The following KDM4B variants were observed in gnomAD, a reference collection of about 807,000 sequenced individuals.
KDM4B encodes lysine demethylase 4B.
KDM4B carries 32 observed loss-of-function variants against 125.2 expected under a neutral mutation model. The observed-to-expected ratio is 0.26, with a 90% CI of 0.19 to 0.34. The LOEUF (loss-of-function observed/expected upper bound fraction) is 0.34, where lower values mean the gene tolerates loss of function less well. Ranked by LOEUF, KDM4B falls within the 10% of genes least tolerant of loss-of-function variation. The pLI is 1.00. For missense variants in KDM4B, 1,190 were observed against 1,577.7 expected, an observed-to-expected ratio of 0.75 and a Z score of 4.16; for synonymous variants, 721 against 677.9, an observed-to-expected ratio of 1.06 and a Z score of -0.99.
chr19:5,027,544 G>GTTTT (rs565728081), intron 2 of KDM4B, among the ~76,000 whole-genome samples: 5 of 134,642 alleles, frequency 3.7e-5, no homozygotes, highest in Non-Finnish European at 6.3e-5. Flanking sequence ...TCTCTTTTCA[G>GTTTT]TTTTTTTTTT....
rs1223840317 is a variant in KDM4B, at chr19:5,081,362, C to A, written c.781-1005C>A. 6.6e-6 allele frequency among the ~76,000 whole-genome samples: 1 copy of A among 152,172 alleles called. No homozygotes were observed. The highest frequency in any genetic ancestry group is 2.4e-5 in the African/African-American group (1 of 41,438). ...TCAAAGGCTTTATCAACGGGCTTAG[C>A]AGTGAGCAGGGAGTGGGGGTCAGTG... is the stretch of plus-strand genomic sequence containing the variant. On this transcript the variant is annotated intron_variant, in intron 8 of 22. Coordinates refer to ENST00000159111, the MANE Select transcript of KDM4B (RefSeq NM_015015.3). This position sits in a 1 kb window ranked among gnomAD's most constrained non-coding sequence, Gnocchi z 4.2.
At chr19:5,135,241 G>A in intron 14 of KDM4B, 98 bp from the exon 15 acceptor site, 1 of 769,368 alleles carries the variant, frequency 1.3e-6, no homozygotes, top group South Asian at 1.7e-5. Flanking sequence ...GCCAGGGGGT[G>A]TCGAAGCCTG....
chr19:5,056,766 G>A (rs2037407540), intron 6 of KDM4B, among the ~76,000 whole-genome samples: 1 of 152,068 alleles, frequency 6.6e-6, no homozygotes, highest in Non-Finnish European at 1.5e-5. Flanking sequence ...GACCCTCACG[G>A]CAGCAGCACG....
In KDM4B at chr19:5,077,353, C is replaced by T. The variant is rs371196123; in HGVS notation, c.677-14C>T. The T allele has an allele frequency of 1.2e-6, 2 of 1,610,274 alleles. No individual in the cohort carries two copies. The highest frequency in any genetic ancestry group is 1.3e-5 in the African/African-American group (1 of 74,934). On this transcript the variant is annotated splice_polypyrimidine_tract_variant and intron_variant, in intron 7 of 22. Coordinates refer to ENST00000159111, the MANE Select transcript of KDM4B (RefSeq NM_015015.3). ...TGTGGCCCAGGAGACTGACGTCTGTCTTTTCGGCCCTAGGCTTCTTCCCCG... is the reference window on the plus strand; with the variant it reads ...TGTGGCCCAGGAGACTGACGTCTGTTTTTTCGGCCCTAGGCTTCTTCCCCG...
chr19:5,046,470 C>A (rs1231205017), intron 5 of KDM4B, among the ~76,000 whole-genome samples: 1 of 152,194 alleles, frequency 6.6e-6, no homozygotes, highest in Non-Finnish European at 1.5e-5. Flanking sequence ...AGTCTGAGGG[C>A]CGGTCGTGCA....
intron 1 of KDM4B, among the ~76,000 whole-genome samples, chr19:4,983,851 AC>A (rs1350901103): frequency 6.6e-6 from 1 of 152,120 alleles, no homozygotes; most frequent in Non-Finnish European, 1.5e-5. Flanking sequence ...GAGACCTGCT[AC>A]CCATGCACGT....
intron 1 of KDM4B, among the ~76,000 whole-genome samples, chr19:4,978,791 G>A (rs1311920613): frequency 6.6e-6 from 1 of 152,224 alleles, no homozygotes; most frequent in Non-Finnish European, 1.5e-5. Flanking sequence ...CCAGGCTGGT[G>A]CGTGGTCACT....
intron 1 of KDM4B, among the ~76,000 whole-genome samples, chr19:5,014,943 C>A: frequency 6.7e-6 from 1 of 150,372 alleles, no homozygotes; most frequent in East Asian, 2.0e-4. Context: ...TGCAGTGAGC[C>A]GAGATCGTGC....
At chr19:5,084,253 A>G (rs1160055838) in intron 9 of KDM4B, among the ~76,000 whole-genome samples, 1 of 148,708 alleles carries the variant, frequency 6.7e-6, no homozygotes, top group Non-Finnish European at 1.5e-5. Context: ...CTCAAAAAAA[A>G]ATACGTATTT....
intron 2 of KDM4B, among the ~76,000 whole-genome samples, chr19:5,022,036 T>C (rs1220390932): frequency 6.6e-6 from 1 of 152,220 alleles, no homozygotes; most frequent in Non-Finnish European, 1.5e-5. Flanking sequence ...GTTTGTTTTC[T>C]CCTCTGCAGT....
At chr19:5,049,178 C>T (rs370121341) in intron 6 of KDM4B, among the ~76,000 whole-genome samples, 6 of 152,094 alleles carry the variant, frequency 3.9e-5, no homozygotes, top group South Asian at 2.1e-4. Context: ...GGCCACAGGC[C>T]GTCGGAGGGA....
chr19:5,088,665 T>TCCCCCCC (rs35143112), intron 9 of KDM4B, among the ~76,000 whole-genome samples: 3 of 103,780 alleles, frequency 2.9e-5, no homozygotes, highest in South Asian at 3.4e-4. Flanking sequence ...GCCCCCCCCC[T>TCCCCCCC]CCCCCCCCCC....
intron 9 of KDM4B, among the ~76,000 whole-genome samples, chr19:5,090,293 C>G (rs987546044): frequency 1.3e-5 from 2 of 151,778 alleles, no homozygotes; most frequent in Non-Finnish European, 2.9e-5. Flanking sequence ...GGTGCAGTAC[C>G]CGGTTCGTTT....
At chr19:5,000,415 A>G (rs1214655502) in intron 1 of KDM4B, among the ~76,000 whole-genome samples, 1 of 151,334 alleles carries the variant, frequency 6.6e-6, no homozygotes, top group African/African-American at 2.4e-5. Context: ...CCATCCATCC[A>G]TCCGTACATC....
At chr19:5,146,761 C>G (rs906342972) in intron 21 of KDM4B, among the ~76,000 whole-genome samples, 1 of 25,542 alleles carries the variant, frequency 3.9e-5, no homozygotes, top group Non-Finnish European at 7.7e-5. Flanking sequence ...ACCCCCCCCC[C>G]CCCCACAATC....
In KDM4B at chr19:5,133,957, A is replaced by G; in HGVS notation, c.1981A>G (p.Lys661Glu). ...GAGGCCGCTGCTGTCTCTGCAGTGGAAGAACAGGGCGGCCAGCTTCCAGGC... is the reference window on the plus strand; with the variant it reads ...GAGGCCGCTGCTGTCTCTGCAGTGGGAGAACAGGGCGGCCAGCTTCCAGGC... ...ALRPLLSLQWKNRAASFQAER... is the reference protein window; with the variant it reads ...ALRPLLSLQWENRAASFQAER... The change falls in exon 14 of 23, where the codon AAG (lysine) becomes GAG (glutamate). Residue 661 changes from lysine to glutamate, a missense_variant. By Grantham distance (56) the Lys-to-Glu change is moderately conservative. This residue lies in a region of KDM4B where 128 missense variants were observed against 137.8 expected (regional missense o/e 0.93). Coordinates refer to ENST00000159111, the MANE Select transcript of KDM4B (RefSeq NM_015015.3). 6.2e-7 allele frequency: 1 copy of G among 1,613,048 alleles called. No individual in the cohort carries two copies. The highest frequency in any genetic ancestry group is 8.5e-7 in the Non-Finnish European group (1 of 1,179,964).
At chr19:5,135,619 G>T (rs2039636154) in intron 15 of KDM4B, 58 bp downstream of exon 15, 1 of 1,419,846 alleles carries the variant, frequency 7.0e-7, no homozygotes, top group African/African-American at 1.4e-5. Flanking sequence ...GTTGGTGGGG[G>T]TGCCGGTGGG....
In KDM4B at chr19:5,014,655, CTCA is replaced by C. The variant is rs1379238851; in HGVS notation, c.-108-1596_-108-1594del. Among the ~76,000 whole-genome samples the C allele has an allele frequency of 2.6e-5, 4 of 152,266 alleles. No homozygotes were observed. In the East Asian group the frequency reaches 7.7e-4, roughly 29 times the overall value. On this transcript the variant is annotated intron_variant, in intron 1 of 22. Coordinates refer to ENST00000159111, the MANE Select transcript of KDM4B (RefSeq NM_015015.3). ...GACTCCTGGCCTCAAGTGATCCTCC[CTCA>C]TCATCCTCCCAAAGTGCTGGCATTA...
At chr19:5,139,384 CA>C (rs1204315974) in intron 18 of KDM4B, among the ~76,000 whole-genome samples, 3 of 152,236 alleles carry the variant, frequency 2.0e-5, no homozygotes, top group Admixed American at 6.5e-5. Context: ...GGTTGCGCCG[CA>C]GCGGATGTGG....
Sources: allele counts gnomAD v4.1 joint callset (sites outside exome capture counted in the v4.1 genomes callset), GRCh38; gene constraint gnomAD v4.1.1; regional missense constraint gnomAD v4.1.1; non-coding constraint Gnocchi (gnomAD v3.1); transcripts MANE v1.5; gene names NCBI Gene and HGNC (gene_info 2026-07-23, HGNC 2026-07-21).